The following CHCHD4 variants were observed in gnomAD, a reference collection of about 807,000 sequenced individuals.
CHCHD4 encodes the protein mitochondrial intermembrane space import and assembly protein 40.
A neutral mutation model predicts 12.4 loss-of-function variants in CHCHD4; 7 were observed. The observed-to-expected ratio is 0.57, with a 90% CI of 0.32 to 1.06. CHCHD4 has a LOEUF of 1.06. CHCHD4 is among the 50% of genes least tolerant of loss of function. The pLI is 0.04. For missense variants in CHCHD4, 143 were observed against 175.1 expected (o/e 0.82, Z 1.03); for synonymous variants, 56 against 58.0 (o/e 0.97, Z 0.16).
At chr3:14,117,736 AC>A (rs35597243) in intron 1 of CHCHD4, among the ~76,000 whole-genome samples, 2 of 152,072 alleles carry the variant, frequency 1.3e-5, no homozygotes, top group East Asian at 3.9e-4. Context: ...TCCTATCGCC[AC>A]CCTGAGAGGG....
At chr3:14,119,279 AT>A (rs1227329825) in intron 1 of CHCHD4, 1 of 152,218 alleles carries the variant, frequency 6.6e-6, no homozygotes, top group African/African-American at 2.4e-5. Flanking sequence ...ACTGGTGGGT[AT>A]TACTTTATCT....
intron 1 of CHCHD4, among the ~76,000 whole-genome samples, chr3:14,120,426 T>C (rs1694921193): frequency 6.6e-6 from 1 of 152,160 alleles, no homozygotes; most frequent in African/African-American, 2.4e-5. Flanking sequence ...GCTGAGCACA[T>C]GCCTACCTCT....
intron 2 of CHCHD4, among the ~76,000 whole-genome samples, chr3:14,114,147 C>A (rs1207074278): frequency 6.6e-6 from 1 of 152,188 alleles, no homozygotes; most frequent in Non-Finnish European, 1.5e-5. Flanking sequence ...CACTAACGTC[C>A]AAAGTCCTAG....
At chr3:14,121,880 A>G in intron 1 of CHCHD4, 1 of 1,614,132 alleles carries the variant, frequency 6.2e-7, no homozygotes, top group East Asian at 2.2e-5. Context: ...CAGAGTGTTA[A>G]GAAGAATGCA....
rs74975688 is a variant in CHCHD4, at chr3:14,119,541, C to T, written c.23-3017G>A. On this transcript the variant is annotated intron_variant, in intron 1 of 2. Transcript: ENST00000396914. ...GAAAGAAAGGACTGGTCAGACTAGT[C>T]GTAAGATGCCAACTAGTGGGACAAT... Among the ~76,000 whole-genome samples, 85 of 152,066 alleles carry T rather than the reference C, an allele frequency of 5.6e-4. 2 individuals are homozygous for T. The East Asian group carries it at 0.016, about 29-fold the overall frequency.
At chr3:14,116,387 G>T in intron 2 of CHCHD4, 39 bp downstream of exon 2, 2 of 1,314,474 alleles carry the variant, frequency 1.5e-6, no homozygotes, top group Non-Finnish European at 2.2e-6. Flanking sequence ...TCTCCCCAGT[G>T]CCCTGGTGTG....
intron 1 of CHCHD4, chr3:14,121,794 A>G (rs1694937149): frequency 1.3e-6 from 2 of 1,539,720 alleles, no homozygotes; most frequent in Admixed American, 1.9e-5. Context: ...CATGTTTAGA[A>G]TCTAACCCCT....
intron 1 of CHCHD4, among the ~76,000 whole-genome samples, chr3:14,117,733 G>A (rs929398974): frequency 7.9e-5 from 12 of 152,088 alleles, no homozygotes; most frequent in Non-Finnish European, 1.8e-4. Context: ...CCATCCTATC[G>A]CCACCCTGAG....
chr3:14,124,600 C>A lies in CHCHD4; in HGVS notation c.22+55G>T, dbSNP rs1457743937. On this transcript the variant is annotated intron_variant, in intron 1 of 2. Coordinates refer to ENST00000396914, the MANE Select transcript of CHCHD4 (RefSeq NM_001098502.2). ...CGTGGTCGCGGGGCGCCGGGGCCCG[C>A]GTGTCTCCCGCAGGCCCTCGTAGGC... 3.5e-6 allele frequency: 5 copies of A among 1,446,662 alleles called. No individual in the cohort carries two copies. The African/African-American group carries it at 4.5e-5, about 13-fold the overall frequency. 89.6% of individuals were successfully genotyped at this position (1,446,662 alleles called of 1,614,324 possible).
rs1022872859 is a variant in CHCHD4 at position 14,124,834 on chromosome 3, C to T, written c.-158G>A. The T allele has an allele frequency of 1.0e-5, 9 of 868,250 alleles. No individual in the cohort carries two copies. Among genetic ancestry groups the T allele is most frequent in the Non-Finnish European group, 1.4e-5 (8 of 580,300 alleles). The allele number at this position is 868,250 out of a possible 1,614,324, so 53.8% of individuals were successfully genotyped here. On this transcript the variant is annotated 5_prime_UTR_variant, in exon 1 of 3. Coordinates refer to ENST00000396914, the MANE Select transcript of CHCHD4 (RefSeq NM_001098502.2). ...CCCGCCGCGCGCCTGCCTCGGCGCC[C>T]TCGCAACCGCGGCCAGGCCAACCTC...
intron 1 of CHCHD4, among the ~76,000 whole-genome samples, chr3:14,121,694 T>C (rs980134942): frequency 6.6e-6 from 1 of 152,186 alleles, no homozygotes. Flanking sequence ...AAGAAAGAGA[T>C]CTAAAGCCAG....
Position 14,113,180 on chromosome 3 carries a change from T to C in CHCHD4, c.136A>G (p.Asn46Asp), listed in dbSNP as rs531030718. 3.4e-5 allele frequency: 54 copies of C among 1,608,832 alleles called. No individual in the cohort carries two copies. The South Asian group carries it at 5.8e-4, about 17-fold the overall frequency. ...GGGCAGTTCCAGTTAATGTTTCCAT[T>C]TGGCAGTATCAATCCTAGAACAGGA... is the stretch of plus-strand genomic sequence containing the variant. ...PYEEHGLILP[N>D]GNINWNCPCL... The change falls in exon 3 of 3, where the codon AAT becomes GAT. Residue 46 changes from asparagine (N) to aspartate (D), a missense_variant. By Grantham distance (23) the Asn-to-Asp change is conservative. Transcript: ENST00000396914.
chr3:14,112,656 C>CAA lies in CHCHD4; in HGVS notation c.*229_*230dup. On this transcript the variant is annotated 3_prime_UTR_variant, in exon 3 of 3. Coordinates refer to ENST00000396914, the MANE Select transcript of CHCHD4 (RefSeq NM_001098502.2). ...CAAAATTCAGGGCAATCTGAGAATT[C>CAA]AAAAGTGGCGGCCACAGGTTTGGGT... The CAA allele has an allele frequency of 2.3e-6, 1 of 437,642 alleles. No homozygotes were observed. Among genetic ancestry groups the CAA allele is most frequent in the East Asian group, 3.4e-5 (1 of 29,208 alleles). 27.1% of individuals were successfully genotyped at this position (437,642 alleles called of 1,614,324 possible). A position where few individuals can be genotyped will look rare whatever the true frequency, so the allele number is the denominator to read the frequency against.
At chr3:14,122,477 CAGG>C (rs1694945978) in intron 1 of CHCHD4, among the ~76,000 whole-genome samples, 1 of 152,226 alleles carries the variant, frequency 6.6e-6, no homozygotes, top group Non-Finnish European at 1.5e-5. Context: ...GGTGCTGACA[CAGG>C]AGAAGTGTGG....
chr3:14,114,139 C>G (rs114945814), intron 2 of CHCHD4, among the ~76,000 whole-genome samples: 2 of 152,134 alleles, frequency 1.3e-5, no homozygotes, highest in Non-Finnish European at 2.9e-5. Context: ...GCACTCTGCA[C>G]TAACGTCCAA....
chr3:14,120,538 C>T (rs999664283), intron 1 of CHCHD4, among the ~76,000 whole-genome samples: 1 of 152,156 alleles, frequency 6.6e-6, no homozygotes, highest in African/African-American at 2.4e-5. Flanking sequence ...CAGATGCCAC[C>T]GTCCCTGACC....
Position 14,124,762 on chromosome 3 carries a change from G to T in CHCHD4, c.-86C>A, listed in dbSNP as rs1694989627. ...CCGTGACCTCCCTCTCCTCTGGCAG[G>T]GCGGGCTCCTCCGAAGCCCGCGCGG... On this transcript the variant is annotated 5_prime_UTR_variant, in exon 1 of 3. Transcript: ENST00000396914. 1.4e-6 allele frequency: 2 copies of T among 1,421,070 alleles called. No homozygotes were observed. The highest frequency in any genetic ancestry group is 1.9e-6 in the Non-Finnish European group (2 of 1,068,356). 88.0% of individuals were successfully genotyped at this position (1,421,070 alleles called of 1,614,324 possible).
At position 14,113,164 on chromosome 3, in the gene CHCHD4, C is replaced by T. The variant is rs1694840156; in HGVS notation, c.152G>A (p.Trp51Ter). ...CATTCCCCCAAGGCATGGGCAGTTC[C>T]AGTTAATGTTTCCATTTGGCAGTAT... ...GLILPNGNIN[W>*]NCPCLGGMAS... The change falls in exon 3 of 3, where the codon TGG becomes TAG. Residue 51 changes from tryptophan to a stop codon, truncating the protein, a stop_gained. Transcript: ENST00000396914. LOFTEE classifies it high-confidence loss of function. 1 of 1,610,930 alleles carries T rather than the reference C, an allele frequency of 6.2e-7. No homozygotes were observed. The highest frequency in any genetic ancestry group is 1.7e-5 in the Admixed American group (1 of 59,610).
In CHCHD4 at chr3:14,122,165, G is replaced by A. The variant is rs1694942688; in HGVS notation, c.22+2490C>T. 2.0e-6 allele frequency: 3 copies of A among 1,480,310 alleles called. No individual in the cohort carries two copies. In the East Asian group the frequency reaches 7.6e-5, roughly 37 times the overall value. 91.7% of individuals were successfully genotyped at this position (1,480,310 alleles called of 1,614,324 possible). A position where few individuals can be genotyped will look rare whatever the true frequency, so the allele number is the denominator to read the frequency against. On this transcript the variant is annotated intron_variant, in intron 1 of 2. Coordinates refer to ENST00000396914, the MANE Select transcript of CHCHD4 (RefSeq NM_001098502.2). The stretch of plus-strand genomic sequence containing the variant: ...TGCAAAAGGTTTTCTTAAGAAAGTG[G>A]CATTTAAAAGGATGTCTGAAGCCTC...
Sources: gnomAD v4.1 joint callset for allele counts (sites outside exome capture counted in the v4.1 genomes callset) on GRCh38, gnomAD v4.1.1 for gene constraint, MANE v1.5 for transcripts, NCBI Gene and HGNC (gene_info 2026-07-23, HGNC 2026-07-21) for gene names.